FHOD1: variants seen among roughly 807,000 people sequenced by gnomAD.
FHOD1 encodes formin homology 2 domain containing 1.
FHOD1 carries 89 observed loss-of-function variants against 111.6 expected under a neutral mutation model. The ratio of observed to expected loss-of-function variants is 0.80; its 90% CI spans 0.67 to 0.95. The LOEUF (loss-of-function observed/expected upper bound fraction) is 0.95, where lower values mean the gene tolerates loss of function less well. Ranked by LOEUF, FHOD1 falls within the 40% of genes least tolerant of loss-of-function variation. The probability of loss-of-function intolerance (pLI) is 0.00; values close to 1 mark genes in which losing one functional copy is unlikely to be tolerated. For missense variants in FHOD1, 1,446 were observed against 1,554.2 expected (o/e 0.93, Z 1.17); for synonymous variants, 618 against 639.0 (o/e 0.97, Z 0.50).
chr16:67,236,630 C>T lies in FHOD1; in HGVS notation c.1246G>A (p.Ala416Thr). The change falls in exon 11 of 22, where the codon GCT becomes ACT. Residue 416 changes from alanine (A) to threonine (T), a missense_variant. Physicochemically the swap from Ala to Thr is moderately conservative, Grantham distance 58. This residue lies in a region of FHOD1 where 1,085 missense variants were observed against 1,108.8 expected (regional missense o/e 0.98). Coordinates refer to ENST00000258201, the MANE Select transcript of FHOD1 (RefSeq NM_013241.3). ...ATGGTAGGAAAAAGGTTCACTGAAG[C>T]TTGGAGACCGGAGGGAGGGCCCACA... ...SPVGPPSGLQ[A>T]SVNLFPTISV... 6.2e-7 allele frequency: 1 copy of T among 1,613,434 alleles called. No individual in the cohort carries two copies. Among genetic ancestry groups the T allele is most frequent in the Non-Finnish European group, 8.5e-7 (1 of 1,179,784 alleles).
In FHOD1 at chr16:67,233,860, G is replaced by A. The variant is rs1444556764; in HGVS notation, c.1843C>T (p.Pro615Ser). Residue 615 changes from proline to serine, a missense_variant, in exon 13 of 22, where the codon CCT becomes TCT. This residue lies in a region of FHOD1 where 1,085 missense variants were observed against 1,108.8 expected (regional missense o/e 0.98). Transcript: ENST00000258201. ...TTAGTGGGGAGGGCTGAGCTGTCAG[G>A]CACTGAATGGGGAAGAGGGGCAGCC... ...PLAAPLPHSVPDSSALPTKRK... is the reference protein window; with the variant it reads ...PLAAPLPHSVSDSSALPTKRK... 7.6e-6 allele frequency: 12 copies of A among 1,584,916 alleles called. No individual in the cohort carries two copies. Among genetic ancestry groups the A allele is most frequent in the Non-Finnish European group, 1.0e-5 (12 of 1,163,544 alleles).
chr16:67,233,953 G>T lies in FHOD1; in HGVS notation c.1750C>A (p.Pro584Thr). ...GGGGGAGGTGGAAGTGGGGGAGGGG[G>T]GGGTACTCCCGAGAGCAGGGGCAGT... Reference protein sequence around the residue: ...PPLPLLSGVPPPPPLPPPPPI... With the variant: ...PPLPLLSGVPTPPPLPPPPPI... Residue 584 changes from proline to threonine, a missense_variant, in exon 13 of 22, where the codon CCC (proline) becomes ACC (threonine). Physicochemically the swap from Pro to Thr is conservative, Grantham distance 38. Coordinates refer to ENST00000258201, the MANE Select transcript of FHOD1 (RefSeq NM_013241.3). 6.3e-7 allele frequency: 1 copy of T among 1,594,260 alleles called. No individual in the cohort carries two copies. The highest frequency in any genetic ancestry group is 8.6e-7 in the Non-Finnish European group (1 of 1,168,662).
chr16:67,235,759 T>A (rs547715449), intron 11 of FHOD1, among the ~76,000 whole-genome samples: 13 of 152,292 alleles, frequency 8.5e-5, no homozygotes, highest in Admixed American at 2.6e-4. Context: ...CTTGGCAGAA[T>A]GAGCCCCAGG....
chr16:67,244,785 C>T (rs958539854), intron 1 of FHOD1, among the ~76,000 whole-genome samples: 2 of 152,138 alleles, frequency 1.3e-5, no homozygotes, highest in African/African-American at 2.4e-5. Context: ...GTACATAGGA[C>T]GAAGCAATGA....
chr16:67,233,709 G>A lies in FHOD1; in HGVS notation c.1994C>T (p.Ala665Val). ...AGACTCAAAGAGGTGTTCCAGTCGGGCCGTGTCCACTGAGACAGGGTCCAG... is the reference window on the plus strand; with the variant it reads ...AGACTCAAAGAGGTGTTCCAGTCGGACCGTGTCCACTGAGACAGGGTCCAG... ...ASLDPVSVDT[A>V]RLEHLFESRA... Residue 665 changes from alanine (A) to valine (V), a missense_variant, in exon 13 of 22, where the codon GCC (alanine) becomes GTC (valine). By Grantham distance (64) the Ala-to-Val change is moderately conservative (BLOSUM62 0). Around this residue, in one of 3 missense-constraint regions of FHOD1, gnomAD observed 1,085 missense variants for 1,108.8 expected, o/e 0.98. Transcript: ENST00000258201. 1 of 1,611,160 alleles carries A rather than the reference G, an allele frequency of 6.2e-7. No individual in the cohort carries two copies. Among genetic ancestry groups the A allele is most frequent in the Non-Finnish European group, 8.5e-7 (1 of 1,177,724 alleles).
intron 11 of FHOD1, 141 bp downstream of exon 11, chr16:67,236,416 G>A (rs1346970113): frequency 2.7e-6 from 4 of 1,476,848 alleles, no homozygotes; most frequent in East Asian, 2.5e-5. Flanking sequence ...CTTACCAAAC[G>A]GAAGCAGTTT....
chr16:67,237,854 C>T lies in FHOD1; in HGVS notation c.643-86G>A, dbSNP rs865882657. 1.6e-4 allele frequency: 227 copies of T among 1,411,794 alleles called. 2 individuals carry two copies. In the Middle Eastern group the frequency reaches 3.8e-3, roughly 24 times the overall value. The allele number at this position is 1,411,794 out of a possible 1,614,324, so 87.5% of individuals were successfully genotyped here. A position where few individuals can be genotyped will look rare whatever the true frequency, so the allele number is the denominator to read the frequency against. ...TGGGGAAGGGGAAGGGCTGCTGGGG[C>T]TGGACCCAGAGAGAATCTAGGCAGA... On this transcript the variant is annotated intron_variant, in intron 6 of 21. Coordinates refer to ENST00000258201, the MANE Select transcript of FHOD1 (RefSeq NM_013241.3). The surrounding 1 kb of genome is among the most constrained non-coding windows in gnomAD (Gnocchi z 5.6).
chr16:67,236,807 C>CGGGGCGGGAGGT (rs1249866476), intron 10 of FHOD1, 74 bp from the exon 11 acceptor site: 1 of 72,164 alleles, frequency 1.4e-5, no homozygotes, highest in Non-Finnish European at 2.3e-5. Context: ...GTGGGGCCTG[C>CGGGGCGGGAGGT]GGGGCGGGAG....
chr16:67,231,084 C>T lies in FHOD1; in HGVS notation c.2667+104G>A. ...CTCACACCCAGGTGGCTGGAGCAAG[C>T]CCTGGCACAGCAGCCCAAATGGGGA... On this transcript the variant is annotated intron_variant, in intron 17 of 21. Transcript: ENST00000258201. The surrounding 1 kb of genome is among the most constrained non-coding windows in gnomAD (Gnocchi z 4.3). 6.8e-7 allele frequency: 1 copy of T among 1,465,662 alleles called. No individual in the cohort carries two copies. Among genetic ancestry groups the T allele is most frequent in the Non-Finnish European group, 9.3e-7 (1 of 1,076,478 alleles). 90.8% of individuals were successfully genotyped at this position (1,465,662 alleles called of 1,614,324 possible).
chr16:67,229,589 C>G lies in FHOD1; in HGVS notation c.*47G>C. On this transcript the variant is annotated 3_prime_UTR_variant, in exon 22 of 22. Transcript: ENST00000258201. Reference sequence around the variant, plus strand: ...TGGGCCCTCCTCACTCTGTCATCTCCTGCACTGCAGTCCAGGGTCCAGATA... The same window carrying G: ...TGGGCCCTCCTCACTCTGTCATCTCGTGCACTGCAGTCCAGGGTCCAGATA... 1.3e-6 allele frequency: 2 copies of G among 1,544,464 alleles called. No individual in the cohort carries two copies. The highest frequency in any genetic ancestry group is 2.2e-5 in the South Asian group (2 of 89,702).
chr16:67,247,366 C>T lies in FHOD1; in HGVS notation c.45G>A (p.Val15=). Residue 15 remains valine (V), a synonymous_variant, in exon 1 of 22, where the codon GTG becomes GTA. Coordinates refer to ENST00000258201, the MANE Select transcript of FHOD1 (RefSeq NM_013241.3). ...CCAGGTACTGCACCCTCACGGTCAC[C>T]ACTGATACCGGCTCTCCGTCCCCGC... The part of the protein sequence containing the change: ...EDRGDGEPVS[V]VTVRVQYLED... 1 of 1,613,578 alleles carries T rather than the reference C, an allele frequency of 6.2e-7. No individual in the cohort carries two copies. Among genetic ancestry groups the T allele is most frequent in the Non-Finnish European group, 8.5e-7 (1 of 1,179,816 alleles).
intron 13 of FHOD1, among the ~76,000 whole-genome samples, chr16:67,233,376 A>G (rs4783585): frequency 0.94 from 143,232 of 152,290 alleles, 67,476 homozygotes; most frequent in East Asian, 1. Flanking sequence ...ATGAGCCACT[A>G]CACCCAGACC....
Position 67,236,910 on chromosome 16 carries a change from C to A in FHOD1, c.1142+56G>T, listed in dbSNP as rs2034503375. 6.5e-6 allele frequency: 10 copies of A among 1,527,632 alleles called. No individual in the cohort carries two copies. In the South Asian group the frequency reaches 1.3e-4, roughly 20 times the overall value. The allele number at this position is 1,527,632 out of a possible 1,614,324, so 94.6% of individuals were successfully genotyped here. ...GGGTTGGGGTCAGGGCCTGTCAGCT[C>A]ACTGGGCCATGCCTAGTAGATCCAC... On this transcript the variant is annotated intron_variant, in intron 10 of 21. Coordinates refer to ENST00000258201, the MANE Select transcript of FHOD1 (RefSeq NM_013241.3).
chr16:67,236,952 A>G lies in FHOD1; in HGVS notation c.1142+14T>C. The G allele has an allele frequency of 6.8e-7, 1 of 1,462,756 alleles. No individual in the cohort carries two copies. Among genetic ancestry groups the G allele is most frequent in the Non-Finnish European group, 9.2e-7 (1 of 1,087,298 alleles). 90.6% of individuals were successfully genotyped at this position (1,462,756 alleles called of 1,614,324 possible). On this transcript the variant is annotated intron_variant, in intron 10 of 21. Coordinates refer to ENST00000258201, the MANE Select transcript of FHOD1 (RefSeq NM_013241.3). ...TAGATCCACCCTTTCCCATCTACAG[A>G]TGCTCGTACTTACCCAGGTTCCGGG...
rs752261342 is a variant in FHOD1 at position 67,239,471 on chromosome 16, C to T, written c.202-17G>A. The stretch of plus-strand genomic sequence containing the variant: ...ATCCTCCAACTGGGGGCAAAGGGAA[C>T]AGCTGTGAGACTGAGGAAGAGGTGG... On this transcript the variant is annotated splice_polypyrimidine_tract_variant and intron_variant, in intron 1 of 21. Coordinates refer to ENST00000258201, the MANE Select transcript of FHOD1 (RefSeq NM_013241.3). 1.3e-6 allele frequency: 2 copies of T among 1,592,528 alleles called. No individual in the cohort carries two copies. Among genetic ancestry groups the T allele is most frequent in the Non-Finnish European group, 1.7e-6 (2 of 1,160,648 alleles).
At chr16:67,246,831 T>C (rs1025864084) in intron 1 of FHOD1, 1 of 214,914 alleles carries the variant, frequency 4.7e-6, no homozygotes, top group East Asian at 1.1e-4. Context: ...CCACCTCACC[T>C]GAAGCAGGTG....
rs2034878657 is a variant in FHOD1, at chr16:67,247,067, G to A, written c.201+143C>T. ...AGGGGACTCCCCCGCAGGCGGGGCA[G>A]AGTGGACCCTGGGACCCCAGCCCAA... On this transcript the variant is annotated intron_variant, in intron 1 of 21. Coordinates refer to ENST00000258201, the MANE Select transcript of FHOD1 (RefSeq NM_013241.3). 5 of 949,370 alleles carry A rather than the reference G, an allele frequency of 5.3e-6. No individual in the cohort carries two copies. In the East Asian group the frequency reaches 1.4e-4, roughly 28 times the overall value. 58.8% of individuals were successfully genotyped at this position (949,370 alleles called of 1,614,324 possible).
intron 1 of FHOD1, among the ~76,000 whole-genome samples, chr16:67,246,529 C>T (rs920275330): frequency 1.3e-5 from 2 of 152,184 alleles, no homozygotes; most frequent in Non-Finnish European, 2.9e-5. Context: ...TTAGTCCGGC[C>T]CTCCCTCTCA....
At position 67,231,784 on chromosome 16, in the gene FHOD1, C is replaced by T. The variant is rs1277391080; in HGVS notation, c.2238G>A (p.Arg746=). ...CCAGCTGGGCTTCCTCAATCTTCTG[C>T]CGCTCTTCCTCCGTGGGCATCATGG... ...LLTMMPTEEE[R]QKIEEAQLAN... Residue 746 remains arginine (R), a synonymous_variant, in exon 15 of 22, where the codon CGG becomes CGA. Transcript: ENST00000258201. The surrounding 1 kb of genome is among the most constrained non-coding windows in gnomAD (Gnocchi z 4.3). 2 of 1,613,926 alleles carry T rather than the reference C, an allele frequency of 1.2e-6. No individual in the cohort carries two copies. The highest frequency in any genetic ancestry group is 2.2e-5 in the South Asian group (2 of 91,060).
Sources: gnomAD v4.1 joint callset for allele counts (sites outside exome capture counted in the v4.1 genomes callset) on GRCh38, gnomAD v4.1.1 for gene constraint, gnomAD v4.1.1 regional missense constraint, Gnocchi (gnomAD v3.1) non-coding constraint, MANE v1.5 for transcripts, NCBI Gene and HGNC (gene_info 2026-07-23, HGNC 2026-07-21) for gene names.